The following LHPP variants were observed in gnomAD, a reference collection of about 807,000 sequenced individuals.
The protein encoded by LHPP is phospholysine phosphohistidine inorganic pyrophosphate phosphatase, also known as hLHPP.
In LHPP, 24 loss-of-function variants were observed where a neutral mutation model predicts 30.3. The ratio of observed to expected loss-of-function variants is 0.79; its 90% CI spans 0.57 to 1.11. The LOEUF (loss-of-function observed/expected upper bound fraction) is 1.11, where lower values mean the gene tolerates loss of function less well. LHPP is among the 50% of genes most tolerant of loss of function. The pLI is 0.00. For missense variants in LHPP, 356 were observed against 367.2 expected (o/e 0.97, Z 0.25); for synonymous variants, 150 against 157.1 (o/e 0.95, Z 0.34).
intron 1 of LHPP, among the ~76,000 whole-genome samples, chr10:124,475,741 C>T (rs1160266313): frequency 3.9e-5 from 6 of 152,096 alleles, no homozygotes; most frequent in African/African-American, 1.2e-4. Context: ...GCCTTTGTCC[C>T]CTGCAGCCAC....
At chr10:124,536,320 G>T (rs114302186) in intron 6 of LHPP, among the ~76,000 whole-genome samples, 7 of 152,352 alleles carry the variant, frequency 4.6e-5, no homozygotes, top group African/African-American at 1.7e-4. Flanking sequence ...GAGAAGAAGG[G>T]GTTAACCTGT....
At chr10:124,532,034 T>A (rs1278903717) in intron 6 of LHPP, among the ~76,000 whole-genome samples, 1 of 152,248 alleles carries the variant, frequency 6.6e-6, no homozygotes, top group Admixed American at 6.5e-5. Flanking sequence ...CAGTGGGTTA[T>A]CGTCTGTTAA....
intron 5 of LHPP, among the ~76,000 whole-genome samples, chr10:124,508,537 G>C (rs2133897468): frequency 6.6e-6 from 1 of 151,858 alleles, no homozygotes; most frequent in African/African-American, 2.4e-5. Flanking sequence ...GTCATAAGGT[G>C]CTCTGAGACC....
chr10:124,484,157 GA>G lies in LHPP; in HGVS notation c.146del (p.Lys49ArgfsTer2). On this transcript the variant is annotated frameshift_variant, in exon 2 of 7. Transcript: ENST00000368842. LOFTEE classifies it high-confidence loss of function. ...AVARLKRSRL[K>X]VRFCTNESQK... is the part of the protein sequence containing the mutation. Reference sequence around the variant, plus strand: ...GCCGCAGACTGAAGCGTTCCCGGCTGAAGGTGAGGTTCTGCACCAACGAGTC... The same window carrying G: ...GCCGCAGACTGAAGCGTTCCCGGCTGAGGTGAGGTTCTGCACCAACGAGTC... 2 of 1,614,016 alleles carry G rather than the reference GA, an allele frequency of 1.2e-6. No homozygotes were observed. The highest frequency in any genetic ancestry group is 1.1e-5 in the South Asian group (1 of 91,072).
In LHPP at chr10:124,576,476, A is replaced by G. The variant is rs1948663830; in HGVS notation, c.717-36788A>G. Among the ~76,000 whole-genome samples, 1 of 118,886 alleles carries G rather than the reference A, an allele frequency of 8.4e-6. No individual in the cohort carries two copies. The allele number at this position is 118,886 out of a possible 152,430, so 78.0% of individuals were successfully genotyped here. A position where few individuals can be genotyped will look rare whatever the true frequency, so the allele number is the denominator to read the frequency against. On this transcript the variant is annotated intron_variant, in intron 6 of 6. Coordinates refer to ENST00000368842, the MANE Select transcript of LHPP (RefSeq NM_022126.4). This position sits in a 1 kb window ranked among gnomAD's most constrained non-coding sequence, Gnocchi z 4.2. ...TCCATCCTGCCTCCAGAACCCCTAT[A>G]TCTTGCTCCCACTCCCTACCATATG...
chr10:124,464,085 TG>T (rs1451369801), intron 1 of LHPP, among the ~76,000 whole-genome samples: 1 of 152,174 alleles, frequency 6.6e-6, no homozygotes, highest in African/African-American at 2.4e-5. Flanking sequence ...CCCAGAGTTC[TG>T]GGATTAGAGG....
At chr10:124,610,090 CGTG>C (rs1367972888) in intron 6 of LHPP, among the ~76,000 whole-genome samples, 1 of 152,142 alleles carries the variant, frequency 6.6e-6, no homozygotes, top group African/African-American at 2.4e-5. Flanking sequence ...TAGAAGGCCT[CGTG>C]GTGATGCCGA....
At chr10:124,519,488 A>G (rs1954550805) in intron 6 of LHPP, among the ~76,000 whole-genome samples, 1 of 152,110 alleles carries the variant, frequency 6.6e-6, no homozygotes. Context: ...GTGTTTGGTT[A>G]CATGCATAAG....
At chr10:124,516,034 C>T (rs1052008608) in intron 5 of LHPP, among the ~76,000 whole-genome samples, 1 of 152,236 alleles carries the variant, frequency 6.6e-6, no homozygotes, top group Non-Finnish European at 1.5e-5. Flanking sequence ...CTTTGTCTCC[C>T]CAGTTCAGGG....
chr10:124,585,056 G>A (rs1031747139), intron 6 of LHPP, among the ~76,000 whole-genome samples: 1 of 152,174 alleles, frequency 6.6e-6, no homozygotes, highest in African/African-American at 2.4e-5. Flanking sequence ...GATATCTCAT[G>A]TATATGCAAA....
intron 1 of LHPP, among the ~76,000 whole-genome samples, chr10:124,466,095 G>A (rs1952545888): frequency 6.6e-6 from 1 of 152,160 alleles, no homozygotes; most frequent in Admixed American, 6.5e-5. Flanking sequence ...TCCTGGCAAT[G>A]CCTTTTAAAT....
chr10:124,464,477 A>T (rs1952502456), intron 1 of LHPP, among the ~76,000 whole-genome samples: 1 of 152,156 alleles, frequency 6.6e-6, no homozygotes, highest in African/African-American at 2.4e-5. Context: ...GAACAGGGAG[A>T]CTTGGCTTCC....
chr10:124,507,293 G>A (rs866394200), intron 5 of LHPP, among the ~76,000 whole-genome samples: 1 of 83,280 alleles, frequency 1.2e-5, no homozygotes, highest in Non-Finnish European at 2.3e-5. Context: ...GGGGTAGGGA[G>A]GATTTCAGGT....
At chr10:124,575,035 A>T (rs925530322) in intron 6 of LHPP, among the ~76,000 whole-genome samples, 1 of 152,182 alleles carries the variant, frequency 6.6e-6, no homozygotes, top group Non-Finnish European at 1.5e-5. Flanking sequence ...GAAGTATCTC[A>T]AACTTGGCAG....
At chr10:124,608,421 G>A (rs1286807122) in intron 6 of LHPP, among the ~76,000 whole-genome samples, 20 of 152,174 alleles carry the variant, frequency 1.3e-4, no homozygotes, top group Admixed American at 1.0e-3. Context: ...CCACACCCGC[G>A]CCAACCAACC....
At chr10:124,475,902 T>G (rs2098808154) in intron 1 of LHPP, among the ~76,000 whole-genome samples, 1 of 152,174 alleles carries the variant, frequency 6.6e-6, no homozygotes, top group South Asian at 2.1e-4. Flanking sequence ...AATGAGACAC[T>G]CGGGCTGTGT....
At chr10:124,473,132 C>T (rs1952838865) in intron 1 of LHPP, among the ~76,000 whole-genome samples, 1 of 152,162 alleles carries the variant, frequency 6.6e-6, no homozygotes, top group African/African-American at 2.4e-5. Context: ...CCTGCAGGTG[C>T]TGCCTCTGGT....
At chr10:124,474,186 C>T (rs963455710) in intron 1 of LHPP, among the ~76,000 whole-genome samples, 1 of 124,864 alleles carries the variant, frequency 8.0e-6, no homozygotes, top group Non-Finnish European at 1.6e-5. Context: ...GTCACCTAGG[C>T]TGGAGTGCAG....
At chr10:124,477,070 GCA>G (rs1952972469) in intron 1 of LHPP, among the ~76,000 whole-genome samples, 1 of 152,200 alleles carries the variant, frequency 6.6e-6, no homozygotes, top group Non-Finnish European at 1.5e-5. Flanking sequence ...GTGCATGGTG[GCA>G]CGCGCCTGTA....
Sources: allele counts gnomAD v4.1 joint callset (sites outside exome capture counted in the v4.1 genomes callset), GRCh38; gene constraint gnomAD v4.1.1; non-coding constraint Gnocchi (gnomAD v3.1); transcripts MANE v1.5; gene names NCBI Gene and HGNC (gene_info 2026-07-23, HGNC 2026-07-21).